Variants in MAP2K5 observed in about 807,000 individuals in gnomAD.
MAP2K5 encodes dual specificity mitogen-activated protein kinase kinase 5.
In MAP2K5, 49 loss-of-function variants were observed where a neutral mutation model predicts 83.1. The observed-to-expected ratio is 0.59, with a 90% CI of 0.47 to 0.75. The LOEUF is 0.75. Ranked by LOEUF, MAP2K5 falls within the 30% of genes least tolerant of loss-of-function variation. MAP2K5 has a pLI of 0.00. For missense variants in MAP2K5, 457 were observed against 557.5 expected (o/e 0.82, Z 1.82); for synonymous variants, 202 against 191.8 (o/e 1.05, Z -0.44).
At chr15:67,632,672 C>T (rs547110495) in intron 9 of MAP2K5, among the ~76,000 whole-genome samples, 1 of 152,306 alleles carries the variant, frequency 6.6e-6, no homozygotes, top group South Asian at 2.1e-4. Context: ...TTTTAGCTAT[C>T]CACAGTGAGA....
Position 67,542,949 on chromosome 15 carries a change from A to C in MAP2K5, c.-387A>C. The C allele has an allele frequency of 4.2e-6, 1 of 238,912 alleles. No homozygotes were observed. Among genetic ancestry groups the C allele is most frequent in the Non-Finnish European group, 8.4e-6 (1 of 119,270 alleles). 14.8% of individuals were successfully genotyped at this position (238,912 alleles called of 1,614,324 possible). A position where few individuals can be genotyped will look rare whatever the true frequency, so the allele number is the denominator to read the frequency against. The stretch of plus-strand genomic sequence containing the variant: ...AGGACCCTCTCCTAGTCCACTGACG[A>C]GCGGTGGACACCTGCCGCTGTATCT... On this transcript the variant is annotated 5_prime_UTR_variant, in exon 1 of 22. Coordinates refer to ENST00000178640, the MANE Select transcript of MAP2K5 (RefSeq NM_145160.3).
intron 3 of MAP2K5, among the ~76,000 whole-genome samples, chr15:67,574,607 A>G (rs375861660): frequency 6.2e-5 from 9 of 144,030 alleles, no homozygotes; most frequent in Admixed American, 1.4e-4. Context: ...TGTGGCTCAC[A>G]TCTGTAATCC....
chr15:67,730,512 A>G (rs2089196798), intron 17 of MAP2K5, among the ~76,000 whole-genome samples: 1 of 152,178 alleles, frequency 6.6e-6, no homozygotes, highest in Admixed American at 6.5e-5. Flanking sequence ...AAACTTCTCT[A>G]CAATGTCTCT....
In MAP2K5 at chr15:67,644,315, A is replaced by G. The variant is rs905678711; in HGVS notation, c.586-1916A>G. Among the ~76,000 whole-genome samples the G allele has an allele frequency of 1.3e-5, 2 of 151,938 alleles. No individual in the cohort carries two copies. The highest frequency in any genetic ancestry group is 2.9e-5 in the Non-Finnish European group (2 of 67,944). ...AGGCTGAGGCAGGAGAATGGCTTGAACCCGGGAGGCGGAGGTTGCAGTGAG... is the reference window on the plus strand; with the variant it reads ...AGGCTGAGGCAGGAGAATGGCTTGAGCCCGGGAGGCGGAGGTTGCAGTGAG... On this transcript the variant is annotated intron_variant, in intron 9 of 21. Transcript: ENST00000178640. The surrounding 1 kb of genome is among the most constrained non-coding windows in gnomAD (Gnocchi z 4.6).
intron 9 of MAP2K5, among the ~76,000 whole-genome samples, chr15:67,632,936 G>A (rs879784097): frequency 3.9e-5 from 6 of 152,176 alleles, no homozygotes; most frequent in Non-Finnish European, 8.8e-5. Context: ...TAGCTTGTGA[G>A]GGGGTACAAC....
chr15:67,607,114 T>C (rs1335634743), intron 8 of MAP2K5, among the ~76,000 whole-genome samples: 1 of 152,224 alleles, frequency 6.6e-6, no homozygotes, highest in Non-Finnish European at 1.5e-5. Flanking sequence ...GCTAGAATGA[T>C]GGTTTGATTT....
intron 15 of MAP2K5, among the ~76,000 whole-genome samples, chr15:67,699,480 A>G (rs1181726382): frequency 6.6e-6 from 1 of 152,234 alleles, no homozygotes; most frequent in African/African-American, 2.4e-5. Context: ...GAGAAGCAGA[A>G]GAAATAGGAA....
At position 67,636,560 on chromosome 15, in the gene MAP2K5, A is replaced by G. The variant is rs990211553; in HGVS notation, c.585+5633A>G. Reference sequence around the variant, plus strand: ...ATTTTTCACTTTTTTTTCATATCTTATAATTTTTTTTAAGTGAAAAGCAAG... The same window carrying G: ...ATTTTTCACTTTTTTTTCATATCTTGTAATTTTTTTTAAGTGAAAAGCAAG... On this transcript the variant is annotated intron_variant, in intron 9 of 21. Coordinates refer to ENST00000178640, the MANE Select transcript of MAP2K5 (RefSeq NM_145160.3). This position sits in a 1 kb window ranked among gnomAD's most constrained non-coding sequence, Gnocchi z 4.7. Among the ~76,000 whole-genome samples, 1 of 151,344 alleles carries G rather than the reference A, an allele frequency of 6.6e-6. No individual in the cohort carries two copies. The highest frequency in any genetic ancestry group is 2.4e-5 in the African/African-American group (1 of 41,098).
chr15:67,550,358 T>C (rs538157489), intron 2 of MAP2K5, among the ~76,000 whole-genome samples: 69 of 152,350 alleles, frequency 4.5e-4, no homozygotes, highest in African/African-American at 1.6e-3. Context: ...TGTGATAATA[T>C]TGCAGGACAA....
At chr15:67,729,842 G>A (rs1352789318) in intron 17 of MAP2K5, among the ~76,000 whole-genome samples, 2 of 152,184 alleles carry the variant, frequency 1.3e-5, no homozygotes, top group Admixed American at 1.3e-4. Context: ...TTTGAGAAGA[G>A]GCTATTTACC....
chr15:67,750,764 C>T lies in MAP2K5; in HGVS notation c.1134+2163C>T, dbSNP rs921149208. On this transcript the variant is annotated intron_variant, in intron 19 of 21. Coordinates refer to ENST00000178640, the MANE Select transcript of MAP2K5 (RefSeq NM_145160.3). The surrounding 1 kb of genome is among the most constrained non-coding windows in gnomAD (Gnocchi z 4.2). ...ATTAGCTAGCTATCTTCATTTGCATCTGACTTTTAGACCTTTTATTTGTGA... is the reference window on the plus strand; with the variant it reads ...ATTAGCTAGCTATCTTCATTTGCATTTGACTTTTAGACCTTTTATTTGTGA... 2.0e-5 allele frequency among the ~76,000 whole-genome samples: 3 copies of T among 152,150 alleles called. No homozygotes were observed. The highest frequency in any genetic ancestry group is 7.2e-5 in the African/African-American group (3 of 41,436).
At chr15:67,728,867 A>G (rs372547110) in intron 17 of MAP2K5, among the ~76,000 whole-genome samples, 149 of 152,338 alleles carry the variant, frequency 9.8e-4, no homozygotes, top group Non-Finnish European at 1.7e-3. Context: ...CATTCTCTCT[A>G]CCATCTTTAT....
rs928970625 is a variant in MAP2K5, at chr15:67,782,146, G to C, written c.1242+9394G>C. ...CCCTGGTGATGATTGGGCCCAGCTG[G>C]TAGTAGATAAGAAAATGTTCCTTTC... On this transcript the variant is annotated intron_variant, in intron 21 of 21. Coordinates refer to ENST00000178640, the MANE Select transcript of MAP2K5 (RefSeq NM_145160.3). This position sits in a 1 kb window ranked among gnomAD's most constrained non-coding sequence, Gnocchi z 4.9. Among the ~76,000 whole-genome samples the C allele has an allele frequency of 6.6e-6, 1 of 152,170 alleles. No individual in the cohort carries two copies. Among genetic ancestry groups the C allele is most frequent in the Admixed American group, 6.5e-5 (1 of 15,286 alleles).
chr15:67,575,297 G>C (rs1416428880), intron 3 of MAP2K5, among the ~76,000 whole-genome samples: 1 of 150,082 alleles, frequency 6.7e-6, no homozygotes, highest in Non-Finnish European at 1.5e-5. Context: ...TTAAAGGAGA[G>C]ATGGGGTAAT....
At chr15:67,745,458 G>T (rs1412224621) in intron 17 of MAP2K5, among the ~76,000 whole-genome samples, 1 of 152,250 alleles carries the variant, frequency 6.6e-6, no homozygotes, top group Non-Finnish European at 1.5e-5. Context: ...CAGAGGCAAT[G>T]ACTGGAGGTT....
intron 19 of MAP2K5, among the ~76,000 whole-genome samples, chr15:67,765,151 G>A (rs1281904403): frequency 2.6e-5 from 4 of 152,208 alleles, no homozygotes; most frequent in Non-Finnish European, 5.9e-5. Flanking sequence ...ACGAGGTCAA[G>A]AGATGGGGAT....
intron 8 of MAP2K5, among the ~76,000 whole-genome samples, chr15:67,609,512 ATT>A (rs2085864252): frequency 8.3e-6 from 1 of 121,070 alleles, no homozygotes; most frequent in African/African-American, 3.3e-5. Context: ...CTGTAGACCT[ATT>A]CTATAGGTCT....
At position 67,601,929 on chromosome 15, in the gene MAP2K5, CAT is replaced by C. The variant is rs759112064; in HGVS notation, c.545+1181_545+1182del. Reference sequence around the variant, plus strand: ...ATAGTCCTTTAAGAACTTATGTTCACATGTTTGGATTGTTTTTTCCTGCAGAT... The same window carrying C: ...ATAGTCCTTTAAGAACTTATGTTCACGTTTGGATTGTTTTTTCCTGCAGAT... On this transcript the variant is annotated intron_variant, in intron 8 of 21. Coordinates refer to ENST00000178640, the MANE Select transcript of MAP2K5 (RefSeq NM_145160.3). Among the ~76,000 whole-genome samples, 14 of 152,342 alleles carry C rather than the reference CAT, an allele frequency of 9.2e-5. 1 individual carries two copies. The East Asian group carries it at 1.2e-3, about 13-fold the overall frequency.
chr15:67,632,373 T>C, intron 9 of MAP2K5, among the ~76,000 whole-genome samples: 1 of 152,204 alleles, frequency 6.6e-6, no homozygotes, highest in East Asian at 1.9e-4. Flanking sequence ...GTCCTGGGAT[T>C]ATAGGCATGA....
Sources: gnomAD v4.1 joint callset for allele counts (sites outside exome capture counted in the v4.1 genomes callset) on GRCh38, gnomAD v4.1.1 for gene constraint, Gnocchi (gnomAD v3.1) non-coding constraint, MANE v1.5 for transcripts, NCBI Gene and HGNC (gene_info 2026-07-23, HGNC 2026-07-21) for gene names.